Variants in E2F7 observed in about 807,000 individuals in gnomAD.
E2F7 encodes E2F transcription factor 7, also known as transcription factor E2F7.
In E2F7, 35 loss-of-function variants were observed where a neutral mutation model predicts 81.1. The observed-to-expected ratio is 0.43, with a 90% CI of 0.33 to 0.57. The LOEUF (loss-of-function observed/expected upper bound fraction) is 0.57, where lower values mean the gene tolerates loss of function less well. Among genes scored for constraint, E2F7 ranks in the 20% least tolerant of loss-of-function variants. The pLI is 0.04. For missense variants in E2F7, 961 were observed against 1,093.7 expected (o/e 0.88, Z 1.71); for synonymous variants, 416 against 416.2 (o/e 1.00, Z 0.01).
chr12:77,031,958 C>G (rs1954811423), intron 9 of E2F7, among the ~76,000 whole-genome samples: 1 of 152,186 alleles, frequency 6.6e-6, no homozygotes, highest in South Asian at 2.1e-4. Flanking sequence ...TTCAACTTCT[C>G]CATCTCCACC....
chr12:77,046,438 T>C, intron 4 of E2F7, 110 bp from the exon 5 acceptor site: 1 of 1,150,666 alleles, frequency 8.7e-7, no homozygotes, highest in Non-Finnish European at 1.2e-6. Context: ...ATCCCCAATA[T>C]AATGCCCACT....
In E2F7 at chr12:77,024,202, G is replaced by GA; in HGVS notation, c.2566-18dup. ...AACTGGTGACTGAAAAAAGAAAAAA[G>GA]AAAAAACAGAAGTGAAGTCATATTG... On this transcript the variant is annotated splice_polypyrimidine_tract_variant and intron_variant, in intron 12 of 12. Transcript: ENST00000322886. 6.2e-7 allele frequency: 1 copy of GA among 1,606,704 alleles called. No homozygotes were observed. The highest frequency in any genetic ancestry group is 8.5e-7 in the Non-Finnish European group (1 of 1,177,256).
intron 2 of E2F7, among the ~76,000 whole-genome samples, chr12:77,064,270 C>A (rs181813029): frequency 5.9e-5 from 9 of 152,308 alleles, no homozygotes; most frequent in Admixed American, 5.9e-4. Context: ...GTATTATAAA[C>A]TTTGATTGCT....
intron 3 of E2F7, among the ~76,000 whole-genome samples, chr12:77,054,442 A>C (rs1955015489): frequency 6.6e-6 from 1 of 152,208 alleles, no homozygotes; most frequent in African/African-American, 2.4e-5. Context: ...GGAAACCTAG[A>C]GATAAATCTG....
intron 3 of E2F7, among the ~76,000 whole-genome samples, chr12:77,052,146 T>C (rs1362837069): frequency 6.6e-6 from 1 of 152,192 alleles, no homozygotes; most frequent in Non-Finnish European, 1.5e-5. Context: ...ATACTTAAAA[T>C]TTAGTGAAAT....
intron 2 of E2F7, among the ~76,000 whole-genome samples, chr12:77,063,683 C>T (rs1232062194): frequency 6.6e-6 from 1 of 152,044 alleles, no homozygotes; most frequent in Admixed American, 6.6e-5. Flanking sequence ...GGGGAGCATA[C>T]AATTTCGCAT....
intron 4 of E2F7, among the ~76,000 whole-genome samples, chr12:77,049,955 C>T (rs1352452396): frequency 6.6e-6 from 1 of 152,060 alleles, no homozygotes; most frequent in Non-Finnish European, 1.5e-5. Flanking sequence ...CTGCAATGTC[C>T]ACTAGGGGTC....
intron 2 of E2F7, among the ~76,000 whole-genome samples, chr12:77,063,797 G>T (rs997668206): frequency 6.6e-6 from 1 of 152,150 alleles, no homozygotes; most frequent in East Asian, 1.9e-4. Context: ...CTAAAAATAA[G>T]ACCAGGAGCT....
At chr12:77,038,293 C>T (rs1004450757) in intron 7 of E2F7, among the ~76,000 whole-genome samples, 10 of 152,040 alleles carry the variant, frequency 6.6e-5, no homozygotes, top group East Asian at 1.9e-4. Context: ...ATTTATAGAA[C>T]GTTCCACCAA....
At chr12:77,058,584 T>G (rs1955053199) in intron 2 of E2F7, among the ~76,000 whole-genome samples, 2 of 152,254 alleles carry the variant, frequency 1.3e-5, no homozygotes, top group South Asian at 4.1e-4. Context: ...ATACACAGGA[T>G]GTAGGGCCAG....
rs1335185430 is a variant in E2F7, at chr12:77,030,807, TGGGCCCC to T, written c.1383-482_1383-476del. Among the ~76,000 whole-genome samples the T allele has an allele frequency of 2.4e-4, 36 of 152,284 alleles. No homozygotes were observed. The East Asian group carries it at 6.6e-3, about 28-fold the overall frequency. On this transcript the variant is annotated intron_variant, in intron 9 of 12. Coordinates refer to ENST00000322886, the MANE Select transcript of E2F7 (RefSeq NM_203394.3). ...GTGAGCCAGCTCTGAAGTGAGAAGCTGGGCCCCATGCCCACATCTGTTTGATGGCAAA... is the reference window on the plus strand; with the variant it reads ...GTGAGCCAGCTCTGAAGTGAGAAGCTATGCCCACATCTGTTTGATGGCAAA...
chr12:77,024,046 C>T lies in E2F7; in HGVS notation c.2705G>A (p.Arg902Lys), dbSNP rs754811029. 2 of 1,613,822 alleles carry T rather than the reference C, an allele frequency of 1.2e-6. No individual in the cohort carries two copies. Residue 902 changes from arginine (R) to lysine (K), a missense_variant, in exon 13 of 13, where the codon AGA becomes AAA. Arg to Lys is a conservative substitution (Grantham distance 26). Coordinates refer to ENST00000322886, the MANE Select transcript of E2F7 (RefSeq NM_203394.3). The stretch of plus-strand genomic sequence containing the variant: ...AGCGCCGCCGCTGGGGATTTCTAGT[C>T]TCCTCTGGGCCGAGCTGGTGTTTCG... The part of the protein sequence containing the change: ...QSRNTSSAQR[R>K]LEIPSGGAD
chr12:77,036,087 A>G (rs570027895), intron 7 of E2F7, among the ~76,000 whole-genome samples: 20 of 152,202 alleles, frequency 1.3e-4, no homozygotes, highest in Admixed American at 2.0e-4. Context: ...AATCTGTAAA[A>G]ATAGGAGGGG....
rs1194944389 is a variant in E2F7 at position 77,024,193 on chromosome 12, A to C, written c.2566-8T>G. Reference sequence around the variant, plus strand: ...GGTCACTGGAACTGGTGACTGAAAAAAGAAAAAAGAAAAAACAGAAGTGAA... The same window carrying C: ...GGTCACTGGAACTGGTGACTGAAAACAGAAAAAAGAAAAAACAGAAGTGAA... On this transcript the variant is annotated splice_polypyrimidine_tract_variant and splice_region_variant and intron_variant, in intron 12 of 12. Transcript: ENST00000322886. The C allele has an allele frequency of 8.1e-6, 13 of 1,608,736 alleles. No homozygotes were observed. Among genetic ancestry groups the C allele is most frequent in the Non-Finnish European group, 1.1e-5 (13 of 1,178,166 alleles).
chr12:77,027,798 G>A (rs986654694), intron 11 of E2F7, 85 bp downstream of exon 11: 1 of 1,541,142 alleles, frequency 6.5e-7, no homozygotes, highest in Non-Finnish European at 8.7e-7. Flanking sequence ...GCCACTTTGG[G>A]TCAGGTGACA....
intron 6 of E2F7, 146 bp downstream of exon 6, chr12:77,044,491 C>T (rs1181290768): frequency 4.9e-6 from 5 of 1,018,688 alleles, no homozygotes; most frequent in Non-Finnish European, 5.6e-6. Flanking sequence ...TTACCTCTCA[C>T]AGCACCAAAA....
chr12:77,037,282 A>G (rs1190243817), intron 7 of E2F7, among the ~76,000 whole-genome samples: 4 of 152,272 alleles, frequency 2.6e-5, no homozygotes, highest in Admixed American at 1.3e-4. Context: ...TTCTTATTAA[A>G]GTTTCTTCAA....
intron 4 of E2F7, among the ~76,000 whole-genome samples, chr12:77,049,503 T>C (rs1456739200): frequency 6.6e-6 from 1 of 152,192 alleles, no homozygotes; most frequent in Non-Finnish European, 1.5e-5. Flanking sequence ...CTCTGCAAGG[T>C]AGGTGCTGCA....
chr12:77,053,652 G>A (rs2120734464), intron 3 of E2F7, among the ~76,000 whole-genome samples: 1 of 152,266 alleles, frequency 6.6e-6, no homozygotes, highest in South Asian at 2.1e-4. Flanking sequence ...GTCTGTATTA[G>A]CCCTAAACTG....
Sources: allele counts gnomAD v4.1 joint callset (sites outside exome capture counted in the v4.1 genomes callset), GRCh38; gene constraint gnomAD v4.1.1; transcripts MANE v1.5; gene names NCBI Gene and HGNC (gene_info 2026-07-23, HGNC 2026-07-21).